Variants in DNAH14 observed in about 807,000 individuals in gnomAD.
The protein encoded by DNAH14 is axonemal beta dynein heavy chain 14.
Under a neutral mutation model 520.9 loss-of-function variants are expected in DNAH14, and 478 were observed. The observed-to-expected ratio is 0.92, with a 90% CI of 0.85 to 0.99. The LOEUF (loss-of-function observed/expected upper bound fraction) is 0.99. Among genes scored for constraint, DNAH14 ranks in the 50% least tolerant of loss-of-function variants. The pLI is 0.00. For synonymous variants in DNAH14, 1,581 were observed against 1,757.2 expected (o/e 0.90, Z 2.51); for missense variants, 4,831 against 5,234.5 (o/e 0.92, Z 2.38).
At chr1:225,014,515 T>C (rs1369389818) in intron 10 of DNAH14, among the ~76,000 whole-genome samples, 1 of 152,198 alleles carries the variant, frequency 6.6e-6, no homozygotes, top group Non-Finnish European at 1.5e-5. Flanking sequence ...TGTTTCAATT[T>C]TCATTTGTTC....
intron 43 of DNAH14, chr1:225,250,610 T>TC (rs762942525): frequency 4.2e-6 from 2 of 473,754 alleles, no homozygotes; most frequent in African/African-American, 4.1e-5. Context: ...TTTGTTATAC[T>TC]CACAGGTTCC....
intron 28 of DNAH14, among the ~76,000 whole-genome samples, chr1:225,144,063 T>G (rs1055766782): frequency 6.6e-6 from 1 of 152,216 alleles, no homozygotes; most frequent in African/African-American, 2.4e-5. Flanking sequence ...ATCACAGTCT[T>G]ATTGGAAACC....
chr1:225,080,451 G>C lies in DNAH14; in HGVS notation c.2839G>C (p.Gly947Arg). ...AATGGAAATGATCCAGACTCTCTCAGGGGAAGCTGCAAGTTTAACTAACAA... is the reference window on the plus strand; with the variant it reads ...AATGGAAATGATCCAGACTCTCTCACGGGAAGCTGCAAGTTTAACTAACAA... ...TAMEMIQTLS[G>R]EAASLTNKAK... The change falls in exon 19 of 86, where the codon GGG (glycine) becomes CGG (arginine). Residue 947 changes from glycine (G) to arginine (R), a missense_variant. By Grantham distance (125) the Gly-to-Arg change is moderately radical. Transcript: ENST00000682510. The C allele has an allele frequency of 6.4e-7, 1 of 1,551,684 alleles. No individual in the cohort carries two copies. Among genetic ancestry groups the C allele is most frequent in the Non-Finnish European group, 8.7e-7 (1 of 1,146,976 alleles).
At chr1:225,102,944 T>C (rs932470072) in intron 23 of DNAH14, among the ~76,000 whole-genome samples, 1 of 152,222 alleles carries the variant, frequency 6.6e-6, no homozygotes, top group Admixed American at 6.5e-5. Flanking sequence ...TTTTGTTGTT[T>C]TAGACATGAA....
chr1:225,067,373 G>A (rs1226094862), intron 17 of DNAH14, among the ~76,000 whole-genome samples: 1 of 152,010 alleles, frequency 6.6e-6, no homozygotes, highest in African/African-American at 2.4e-5. Context: ...TCATTGATGG[G>A]CATTTAGGTT....
chr1:225,140,295 T>C, intron 27 of DNAH14, among the ~76,000 whole-genome samples: 1 of 152,176 alleles, frequency 6.6e-6, no homozygotes, highest in South Asian at 2.1e-4. Context: ...CTGACCTTAA[T>C]CCAGTAGACT....
At chr1:224,976,876 T>C (rs1265933903) in intron 8 of DNAH14, among the ~76,000 whole-genome samples, 1 of 151,488 alleles carries the variant, frequency 6.6e-6, no homozygotes, top group African/African-American at 2.4e-5. Context: ...AGGAACACTT[T>C]TACACTGTTG....
At chr1:225,398,406 C>T in intron 84 of DNAH14, 114 bp from the exon 85 acceptor site, 1 of 1,303,702 alleles carries the variant, frequency 7.7e-7, no homozygotes, top group Non-Finnish European at 1.0e-6. Flanking sequence ...CTTGGGGCAA[C>T]ATGCCTTAGG....
At chr1:225,072,434 G>T (rs2071651478) in intron 17 of DNAH14, among the ~76,000 whole-genome samples, 1 of 152,086 alleles carries the variant, frequency 6.6e-6, no homozygotes, top group Admixed American at 6.5e-5. Flanking sequence ...GTCAGCTCCT[G>T]CAATGTTTTA....
In DNAH14 at chr1:225,097,198, G is replaced by A. The variant is rs1296972756; in HGVS notation, c.3654G>A (p.Trp1218Ter). Residue 1218 changes from tryptophan (W) to a stop codon, truncating the protein, a stop_gained, in exon 22 of 86, where the codon TGG (tryptophan) becomes TGA (stop). Coordinates refer to ENST00000682510, the MANE Select transcript of DNAH14 (RefSeq NM_001367479.1). LOFTEE classifies it high-confidence loss of function. The stretch of plus-strand genomic sequence containing the variant: ...AATGGATGAATTGTCAAAGAAATTG[G>A]CTTTATCTTGAACCAGTCTTTCATT... Reference protein sequence around the residue: ...LEEWMNCQRNWLYLEPVFHSS... With the variant: ...LEEWMNCQRN 1.3e-6 allele frequency: 2 copies of A among 1,550,420 alleles called. No homozygotes were observed. Among genetic ancestry groups the A allele is most frequent in the Non-Finnish European group, 1.7e-6 (2 of 1,146,436 alleles).
At chr1:225,206,926 T>G in intron 40 of DNAH14, 42 bp from the exon 41 acceptor site, 1 of 1,388,752 alleles carries the variant, frequency 7.2e-7, no homozygotes, top group Non-Finnish European at 9.4e-7. Context: ...TACCATATTT[T>G]TATTTATTTA....
At position 225,008,024 on chromosome 1, in the gene DNAH14, A is replaced by G. The variant is rs982094394; in HGVS notation, c.1107+480A>G. Among the ~76,000 whole-genome samples the G allele has an allele frequency of 4.0e-5, 6 of 151,238 alleles. No individual in the cohort carries two copies. The South Asian group carries it at 1.2e-3, about 31-fold the overall frequency. On this transcript the variant is annotated intron_variant, in intron 10 of 85. Transcript: ENST00000682510. ...TGTGCTATGGTGGTTTGCTGCACCCATCAACCCATCATTTACATTCGGTAT... is the reference window on the plus strand; with the variant it reads ...TGTGCTATGGTGGTTTGCTGCACCCGTCAACCCATCATTTACATTCGGTAT...
chr1:225,023,722 C>T lies in DNAH14; in HGVS notation c.1215C>T (p.Phe405=), dbSNP rs924059156. ...PKYRRLLETF[F]KFVMLVDYIF... ...ATAGACGTTTATTAGAAACATTTTT[C>T]AAGTTTGTAATGCTGGTTGACTACA... Residue 405 remains phenylalanine (F), a synonymous_variant, in exon 11 of 86, where the codon TTC becomes TTT. Coordinates refer to ENST00000682510, the MANE Select transcript of DNAH14 (RefSeq NM_001367479.1). 1.5e-5 allele frequency: 24 copies of T among 1,550,576 alleles called. No homozygotes were observed. In the East Asian group the frequency reaches 5.4e-4, roughly 35 times the overall value.
intron 69 of DNAH14, 99 bp downstream of exon 69, chr1:225,340,800 C>G (rs2095162903): frequency 7.5e-7 from 1 of 1,334,018 alleles, no homozygotes; most frequent in Non-Finnish European, 1.0e-6. Flanking sequence ...AATACCAAAT[C>G]TCCATTTCCA....
At chr1:225,241,637 G>A (rs1574237636) in intron 43 of DNAH14, among the ~76,000 whole-genome samples, 2 of 152,272 alleles carry the variant, frequency 1.3e-5, no homozygotes, top group Admixed American at 1.3e-4. Context: ...TTGCTCTAAG[G>A]CTACAAATAT....
chr1:225,264,263 T>C lies in DNAH14; in HGVS notation c.7222+2T>C, dbSNP rs1340173573. 1 of 1,547,742 alleles carries C rather than the reference T, an allele frequency of 6.5e-7. No individual in the cohort carries two copies. Among genetic ancestry groups the C allele is most frequent in the South Asian group, 1.2e-5 (1 of 83,900 alleles). On this transcript the variant is annotated splice_donor_variant, in intron 47 of 85. Transcript: ENST00000682510. LOFTEE classifies it high-confidence loss of function. ...ATAAGACAGCAACTGGAAGTTCAGGTATATATTATAGTACAGTTTCAAAGC... is the reference window on the plus strand; with the variant it reads ...ATAAGACAGCAACTGGAAGTTCAGGCATATATTATAGTACAGTTTCAAAGC...
chr1:225,179,976 C>A (rs1029373011), intron 36 of DNAH14, among the ~76,000 whole-genome samples: 11 of 152,046 alleles, frequency 7.2e-5, no homozygotes, highest in African/African-American at 2.7e-4. Context: ...GAAAAGTCTG[C>A]TGCCAGATGT....
chr1:224,934,781 A>G (rs534750651), intron 1 of DNAH14, among the ~76,000 whole-genome samples: 24 of 152,048 alleles, frequency 1.6e-4, no homozygotes, highest in African/African-American at 5.3e-4. Context: ...ACCAAGAGAA[A>G]AGATCCTTGT....
In DNAH14 at chr1:225,069,912, A is replaced by G. The variant is rs371809840; in HGVS notation, c.2425-9295A>G. On this transcript the variant is annotated intron_variant, in intron 17 of 85. Coordinates refer to ENST00000682510, the MANE Select transcript of DNAH14 (RefSeq NM_001367479.1). ...CATTTTTGGTCTGTTCAGGGATTCA[A>G]TTTCTTCCTGGTTTAGTCTTGGGAG... Among the ~76,000 whole-genome samples, 129 of 152,046 alleles carry G rather than the reference A, an allele frequency of 8.5e-4. 1 individual carries two copies. Among genetic ancestry groups the G allele is most frequent in the African/African-American group, 2.7e-3 (114 of 41,472 alleles).
Sources: allele counts gnomAD v4.1 joint callset (sites outside exome capture counted in the v4.1 genomes callset), GRCh38; gene constraint gnomAD v4.1.1; transcripts MANE v1.5; gene names NCBI Gene and HGNC (gene_info 2026-07-23, HGNC 2026-07-21).